The following DGKB variants were observed in gnomAD, a reference collection of about 807,000 sequenced individuals.
DGKB encodes 90 kDa diacylglycerol kinase.
DGKB carries 67 observed loss-of-function variants against 114.3 expected under a neutral mutation model. That is an observed-to-expected ratio of 0.59 (90% CI 0.48 to 0.72). The LOEUF (loss-of-function observed/expected upper bound fraction) is 0.72, where lower values mean the gene tolerates loss of function less well. DGKB is among the 30% of genes least tolerant of loss of function. The pLI, the probability that DGKB is intolerant of heterozygous loss-of-function variation, is 0.00. For synonymous variants in DGKB, 398 were observed against 323.1 expected (o/e 1.23, Z -2.49); for missense variants, 907 against 975.2 (o/e 0.93, Z 0.93).
chr7:14,777,892 A>G (rs1838444479), intron 2 of DGKB, among the ~76,000 whole-genome samples: 1 of 152,096 alleles, frequency 6.6e-6, no homozygotes, highest in Admixed American at 6.5e-5. Context: ...AACTAATTTA[A>G]TTTGTCATAG....
intron 20 of DGKB, among the ~76,000 whole-genome samples, chr7:14,522,822 C>T (rs1021861171): frequency 9.2e-5 from 14 of 152,010 alleles, no homozygotes; most frequent in East Asian, 1.9e-4. Context: ...CATTGACTTT[C>T]GACTGCTTGA....
At position 14,946,005 on chromosome 7, in the gene DGKB, TC is replaced by T. The variant is rs75165488; in HGVS notation, c.-188+28690del. Among the ~76,000 whole-genome samples, 132 of 151,762 alleles carry T rather than the reference TC, an allele frequency of 8.7e-4. 1 individual carries two copies. The East Asian group carries it at 8.7e-3, about 10-fold the overall frequency. On this transcript the variant is annotated intron_variant, in intron 1 of 4. Coordinates refer to the DGKB transcript ENST00000437998. ...TGAGATGCTGCGTAATTAAATATTT[TC>T]CTTTCAGATGTCTCAAAATGAATAT...
chr7:14,458,288 TGATAA>T (rs939753012), intron 21 of DGKB, among the ~76,000 whole-genome samples: 2 of 152,174 alleles, frequency 1.3e-5, no homozygotes, highest in Non-Finnish European at 2.9e-5. Context: ...GTGAACCATC[TGATAA>T]AATAGTGTAA....
chr7:14,809,306 T>G (rs1416252858), intron 2 of DGKB, among the ~76,000 whole-genome samples: 1 of 152,122 alleles, frequency 6.6e-6, no homozygotes, highest in East Asian at 1.9e-4. Context: ...GCTATAGTCC[T>G]AGTGCTCCTC....
chr7:14,353,128 ACCCTAGCTTTTTT>A (rs1050494943), intron 21 of DGKB, among the ~76,000 whole-genome samples: 145 of 152,172 alleles, frequency 9.5e-4, no homozygotes, highest in African/African-American at 3.3e-3. Context: ...AACTCAAGAA[ACCCTAGCTTTTTT>A]CCCAAATGTC....
intron 1 of DGKB, among the ~76,000 whole-genome samples, chr7:14,967,352 T>C (rs1204993289): frequency 6.6e-6 from 1 of 151,998 alleles, no homozygotes; most frequent in Non-Finnish European, 1.5e-5. Flanking sequence ...TGAGATGCAG[T>C]CTCTGTTGCC....
chr7:14,908,529 T>A (rs746035133), intron 1 of DGKB, among the ~76,000 whole-genome samples: 8 of 152,194 alleles, frequency 5.3e-5, no homozygotes, highest in Non-Finnish European at 1.0e-4. Context: ...TGCAAATAAA[T>A]ACACTAGCTT....
chr7:14,431,882 ATGG>A (rs1466887252), intron 21 of DGKB, among the ~76,000 whole-genome samples: 1 of 152,130 alleles, frequency 6.6e-6, no homozygotes, highest in East Asian at 1.9e-4. Context: ...TATTGTAGCT[ATGG>A]TATAAGAGAT....
intron 2 of DGKB, among the ~76,000 whole-genome samples, chr7:14,764,484 G>T (rs1387941446): frequency 2.6e-5 from 4 of 151,670 alleles, no homozygotes; most frequent in African/African-American, 9.7e-5. Flanking sequence ...AGGATCATCC[G>T]GGGATCTTTT....
intron 21 of DGKB, among the ~76,000 whole-genome samples, chr7:14,436,730 A>G (rs1829330919): frequency 6.6e-6 from 1 of 152,140 alleles, no homozygotes; most frequent in African/African-American, 2.4e-5. Context: ...CAAGAGGTAC[A>G]CATGTTTCTA....
chr7:14,527,798 T>G (rs750875021), intron 20 of DGKB, among the ~76,000 whole-genome samples: 2 of 151,916 alleles, frequency 1.3e-5, no homozygotes, highest in Non-Finnish European at 2.9e-5. Flanking sequence ...CACAGAAAAA[T>G]GATTTCTAAA....
chr7:14,325,939 A>G (rs992278027), intron 23 of DGKB, among the ~76,000 whole-genome samples: 1 of 152,154 alleles, frequency 6.6e-6, no homozygotes, highest in Non-Finnish European at 1.5e-5. Context: ...TTACATTTCT[A>G]TTTAATCATT....
chr7:14,159,286 T>A (rs138006069), intron 25 of DGKB, among the ~76,000 whole-genome samples: 496 of 152,178 alleles, frequency 3.3e-3, no homozygotes, highest in African/African-American at 0.011. Context: ...CACTCTTCCC[T>A]CTCTTTGGGG....
intron 21 of DGKB, among the ~76,000 whole-genome samples, chr7:14,465,727 C>A (rs746867577): frequency 4.6e-5 from 7 of 151,928 alleles, no homozygotes; most frequent in Non-Finnish European, 1.0e-4. Flanking sequence ...GCCAGGGAGC[C>A]CTAACTAGCA....
At chr7:14,656,888 C>T (rs1467164970) in intron 13 of DGKB, among the ~76,000 whole-genome samples, 1 of 151,536 alleles carries the variant, frequency 6.6e-6, no homozygotes, top group Non-Finnish European at 1.5e-5. Context: ...AACACTTGAA[C>T]TTTTTCTTTT....
intron 21 of DGKB, among the ~76,000 whole-genome samples, chr7:14,437,976 C>T (rs1024511078): frequency 3.3e-5 from 5 of 151,606 alleles, no homozygotes; most frequent in East Asian, 1.9e-4. Flanking sequence ...TTCATTGCTG[C>T]GTTACAGAAT....
intron 2 of DGKB, among the ~76,000 whole-genome samples, chr7:14,833,539 T>C (rs1354222417): frequency 6.6e-6 from 1 of 152,150 alleles, no homozygotes; most frequent in Admixed American, 6.6e-5. Flanking sequence ...GAGAGGGGCT[T>C]GACTTCTTCT....
intron 21 of DGKB, among the ~76,000 whole-genome samples, chr7:14,409,088 C>T (rs529492624): frequency 3.6e-4 from 55 of 152,194 alleles, no homozygotes; most frequent in Non-Finnish European, 2.2e-4. Context: ...GATCCAGTAG[C>T]AAATCGGACT....
intron 2 of DGKB, among the ~76,000 whole-genome samples, chr7:14,825,038 A>ATATATATC (rs1562636956): frequency 7.0e-6 from 1 of 142,970 alleles, no homozygotes; most frequent in African/African-American, 2.5e-5. Context: ...ATATATATAT[A>ATATATATC]TATATATATA....
Sources: gnomAD v4.1 joint callset for allele counts (sites outside exome capture counted in the v4.1 genomes callset) on GRCh38, gnomAD v4.1.1 for gene constraint, MANE v1.5 for transcripts, NCBI Gene and HGNC (gene_info 2026-07-23, HGNC 2026-07-21) for gene names.